Variants in FOXN3 observed in about 807,000 individuals in gnomAD.
The protein encoded by FOXN3 is forkhead box protein N3.
FOXN3 carries 7 observed loss-of-function variants against 38.4 expected under a neutral mutation model. That is an observed-to-expected ratio of 0.18 (90% CI 0.10 to 0.34). The LOEUF is 0.34. FOXN3 is among the 10% of genes least tolerant of loss of function. The pLI is 1.00. For synonymous variants in FOXN3, 230 were observed against 242.2 expected (o/e 0.95, Z 0.47); for missense variants, 456 against 613.4 (o/e 0.74, Z 2.71).
In FOXN3 at chr14:89,574,319, A is replaced by G. The variant is rs1895554253; in HGVS notation, c.-15+44709T>C. ...GAATGGTAGTTCATTTAACCAAGTT[A>G]AAAACAGAGGCATGGTCTAATAAGG... is the stretch of plus-strand genomic sequence containing the variant. On this transcript the variant is annotated intron_variant, in intron 1 of 6. Transcript: ENST00000345097. 3.3e-5 allele frequency among the ~76,000 whole-genome samples: 5 copies of G among 152,244 alleles called. No homozygotes were observed. The South Asian group carries it at 1.0e-3, about 31-fold the overall frequency.
chr14:89,595,282 G>A (rs935977654), intron 1 of FOXN3, among the ~76,000 whole-genome samples: 5 of 151,646 alleles, frequency 3.3e-5, no homozygotes, highest in Non-Finnish European at 5.9e-5. Context: ...CCGAGATCAC[G>A]CCACTGCACT....
At chr14:89,350,485 G>A (rs1298932874) in intron 3 of FOXN3, 187 bp downstream of exon 3, 1 of 443,692 alleles carries the variant, frequency 2.3e-6, no homozygotes. Flanking sequence ...CTCTGACGCT[G>A]CAGCAGCGGT....
chr14:89,350,950 G>A (rs2140008559), intron 2 of FOXN3, 142 bp from the exon 3 acceptor site: 1 of 538,036 alleles, frequency 1.9e-6, no homozygotes. Context: ...ATATTATACT[G>A]ACAGTAGAAC....
rs144939847 is a variant in FOXN3, at chr14:89,486,012, C to T, written c.-14-73522G>A. 1.3e-3 allele frequency among the ~76,000 whole-genome samples: 199 copies of T among 152,276 alleles called. 1 individual carries two copies. Among genetic ancestry groups the T allele is most frequent in the African/African-American group, 3.7e-3 (152 of 41,532 alleles). On this transcript the variant is annotated intron_variant, in intron 1 of 6. Transcript: ENST00000345097. ...TCCATTCCCTGAACCAAGGAACTACCGCTAGCTCATAGCCCTGGCCCTATG... is the reference window on the plus strand; with the variant it reads ...TCCATTCCCTGAACCAAGGAACTACTGCTAGCTCATAGCCCTGGCCCTATG...
At chr14:89,611,783 G>A (rs999424127) in intron 1 of FOXN3, among the ~76,000 whole-genome samples, 7 of 145,080 alleles carry the variant, frequency 4.8e-5, no homozygotes, top group Non-Finnish European at 9.0e-5. Flanking sequence ...TCCAGCCTGG[G>A]CGACAGAGTG....
intron 2 of FOXN3, chr14:89,401,758 C>G (rs1260172808): frequency 2.4e-6 from 1 of 424,480 alleles, no homozygotes; most frequent in Non-Finnish European, 4.7e-6. Flanking sequence ...GGTCCTGTCC[C>G]TCGAGGAGGA....
intron 1 of FOXN3, among the ~76,000 whole-genome samples, chr14:89,440,969 G>A (rs1281257518): frequency 6.6e-6 from 1 of 152,306 alleles, no homozygotes; most frequent in East Asian, 1.9e-4. Context: ...GTGGGTTCAC[G>A]TGTCCAAGCC....
chr14:89,281,135 T>C, intron 3 of FOXN3, 121 bp from the exon 4 acceptor site: 1 of 777,744 alleles, frequency 1.3e-6, no homozygotes, highest in Non-Finnish European at 2.1e-6. Flanking sequence ...CCTTTGAAAA[T>C]GCATCCTCGA....
intron 1 of FOXN3, among the ~76,000 whole-genome samples, chr14:89,594,515 G>T (rs539795077): frequency 6.6e-6 from 1 of 152,256 alleles, no homozygotes; most frequent in South Asian, 2.1e-4. Context: ...TATCCTCTTT[G>T]GTGAAGTCCC....
intron 3 of FOXN3, chr14:89,291,642 G>A: frequency 2.1e-6 from 1 of 475,606 alleles, no homozygotes; most frequent in Non-Finnish European, 4.1e-6. Context: ...CAAATCTGTG[G>A]CCGGCCACTC....
chr14:89,319,062 G>A (rs1213223139), intron 3 of FOXN3, among the ~76,000 whole-genome samples: 2 of 152,224 alleles, frequency 1.3e-5, no homozygotes, highest in South Asian at 4.1e-4. Context: ...AAATCAATAG[G>A]ATGTTGGTAC....
intron 1 of FOXN3, among the ~76,000 whole-genome samples, chr14:89,450,421 T>C (rs1406275379): frequency 6.6e-6 from 1 of 152,142 alleles, no homozygotes; most frequent in Non-Finnish European, 1.5e-5. Context: ...TTACCTAGTA[T>C]AAAATGTGCC....
intron 1 of FOXN3, among the ~76,000 whole-genome samples, chr14:89,601,671 T>C (rs1896157020): frequency 6.6e-6 from 1 of 152,178 alleles, no homozygotes; most frequent in East Asian, 1.9e-4. Context: ...TGCTTGTTGA[T>C]ATGCTCAACA....
At chr14:89,399,380 A>G (rs1891188017) in intron 2 of FOXN3, among the ~76,000 whole-genome samples, 1 of 152,142 alleles carries the variant, frequency 6.6e-6, no homozygotes, top group Non-Finnish European at 1.5e-5. Flanking sequence ...CCTCAGAGAA[A>G]GGCAGAGATG....
At chr14:89,583,049 G>A (rs1189696486) in intron 1 of FOXN3, among the ~76,000 whole-genome samples, 2 of 152,140 alleles carry the variant, frequency 1.3e-5, no homozygotes, top group East Asian at 3.8e-4. Flanking sequence ...TGGTGTTATT[G>A]TAAATAAAGC....
At chr14:89,270,648 T>C (rs570896126) in intron 4 of FOXN3, among the ~76,000 whole-genome samples, 3 of 152,334 alleles carry the variant, frequency 2.0e-5, no homozygotes, top group East Asian at 1.9e-4. Flanking sequence ...CTCCTAGTTA[T>C]GCTGCCTCCT....
intron 1 of FOXN3, among the ~76,000 whole-genome samples, chr14:89,549,433 A>T (rs1042109719): frequency 9.2e-5 from 14 of 152,144 alleles, no homozygotes; most frequent in African/African-American, 3.1e-4. Context: ...CAACAATCCC[A>T]ATTACAACGA....
intron 1 of FOXN3, among the ~76,000 whole-genome samples, chr14:89,569,140 G>C (rs1287435941): frequency 6.6e-6 from 1 of 152,188 alleles, no homozygotes; most frequent in Non-Finnish European, 1.5e-5. Flanking sequence ...GGGAGGTGGA[G>C]CTTGCAGTGA....
At chr14:89,432,023 G>GT (rs1892170073) in intron 1 of FOXN3, among the ~76,000 whole-genome samples, 3 of 152,138 alleles carry the variant, frequency 2.0e-5, no homozygotes, top group African/African-American at 7.2e-5. Flanking sequence ...CTGTGTTGTT[G>GT]CTTTTTTATA....
Sources: allele counts gnomAD v4.1 joint callset (sites outside exome capture counted in the v4.1 genomes callset), GRCh38; gene constraint gnomAD v4.1.1; transcripts MANE v1.5; gene names NCBI Gene and HGNC (gene_info 2026-07-23, HGNC 2026-07-21).